The following ZNF142 variants were observed in gnomAD, a reference collection of about 807,000 sequenced individuals.
ZNF142 encodes the protein zinc finger protein 142.
ZNF142 carries 96 observed loss-of-function variants against 132.1 expected under a neutral mutation model. The observed-to-expected ratio is 0.73, with a 90% CI of 0.62 to 0.86. The LOEUF is 0.86. ZNF142 is among the 40% of genes least tolerant of loss of function. ZNF142 has a pLI of 0.00. For synonymous variants in ZNF142, 842 were observed against 890.1 expected, an observed-to-expected ratio of 0.95 and a Z score of 0.96; for missense variants, 2,163 against 2,336.2, an observed-to-expected ratio of 0.93 and a Z score of 1.53.
At chr2:218,656,849 G>A (rs113980687) in intron 3 of ZNF142, among the ~76,000 whole-genome samples, 59 of 140,198 alleles carry the variant, frequency 4.2e-4, no homozygotes, top group African/African-American at 1.5e-3. Context: ...ACAGAGTCTC[G>A]CTCTGTCACC....
At chr2:218,646,474 G>C in intron 7 of ZNF142, 126 bp from the exon 8 acceptor site, 1 of 1,091,240 alleles carries the variant, frequency 9.2e-7, no homozygotes, top group Non-Finnish European at 1.3e-6. Context: ...TGCTACCTGA[G>C]ATGGTGAAAA....
At position 218,644,458 on chromosome 2, in the gene ZNF142, T is replaced by G. The variant is rs1290047606; in HGVS notation, c.2658A>C (p.Ala886=). The part of the protein sequence containing the change: ...GGDLGGSPSP[A]EVEEGSCTLH... ...GTGTGCAGCTGCCCTCCTCCACCTC[T>G]GCTGGGCTGGGACTGCCACCCAGGT... is the stretch of plus-strand genomic sequence containing the variant. Residue 886 remains alanine (A), a synonymous_variant, in exon 9 of 11, where the codon GCA becomes GCC. Coordinates refer to ENST00000411696, the MANE Select transcript of ZNF142 (RefSeq NM_001379659.1). This position sits in a 1 kb window ranked among gnomAD's most constrained non-coding sequence, Gnocchi z 4.6. 1 of 1,614,006 alleles carries G rather than the reference T, an allele frequency of 6.2e-7. No homozygotes were observed. Among genetic ancestry groups the G allele is most frequent in the Non-Finnish European group, 8.5e-7 (1 of 1,179,992 alleles).
chr2:218,635,665 T>C lies in ZNF142; in HGVS notation c.*2674A>G. ...GCATTTTAAATTGCAGATAGAATAC[T>C]AGAAGAAAATATATTACCCATGGAG... On this transcript the variant is annotated 3_prime_UTR_variant, in exon 11 of 11. Coordinates refer to ENST00000411696, the MANE Select transcript of ZNF142 (RefSeq NM_001379659.1). The C allele has an allele frequency of 2.3e-6, 3 of 1,293,626 alleles. No homozygotes were observed. Among genetic ancestry groups the C allele is most frequent in the Non-Finnish European group, 3.1e-6 (3 of 957,442 alleles). 80.1% of individuals were successfully genotyped at this position (1,293,626 alleles called of 1,614,324 possible).
chr2:218,644,201 AAGGATGG>A lies in ZNF142; in HGVS notation c.2908_2914del (p.Pro970Ter). ...TACCCAGTTGTTAGGAGCCTCCTCTAAGGATGGAGGATTTGTGGAGGGCTCAGACACT... is the reference window on the plus strand; with the variant it reads ...TACCCAGTTGTTAGGAGCCTCCTCTAAGGATTTGTGGAGGGCTCAGACACT... On this transcript the variant is annotated frameshift_variant, in exon 9 of 11. Coordinates refer to ENST00000411696, the MANE Select transcript of ZNF142 (RefSeq NM_001379659.1). LOFTEE classifies it high-confidence loss of function. This position sits in a 1 kb window ranked among gnomAD's most constrained non-coding sequence, Gnocchi z 4.6. 6.2e-7 allele frequency: 1 copy of A among 1,614,018 alleles called. No homozygotes were observed.
Position 218,643,840 on chromosome 2 carries a change from T to A in ZNF142, c.3276A>T (p.Leu1092=). The part of the protein sequence containing the change: ...STHLLKKCPV[L]LRKNKGLPRP... ...TGGGCAAGCCCTTGTTCTTTCTGAGTAGAACAGGGCACTTCTTCAGCAGGT... is the reference window on the plus strand; with the variant it reads ...TGGGCAAGCCCTTGTTCTTTCTGAGAAGAACAGGGCACTTCTTCAGCAGGT... The change falls in exon 9 of 11, where the codon CTA becomes CTT. Residue 1092 remains leucine, a synonymous_variant. Coordinates refer to ENST00000411696, the MANE Select transcript of ZNF142 (RefSeq NM_001379659.1). The A allele has an allele frequency of 6.2e-7, 1 of 1,613,876 alleles. No individual in the cohort carries two copies. Among genetic ancestry groups the A allele is most frequent in the South Asian group, 1.1e-5 (1 of 91,020 alleles).
At chr2:218,649,540 A>G in intron 6 of ZNF142, 81 bp from the exon 7 acceptor site, 1 of 1,326,234 alleles carries the variant, frequency 7.5e-7, no homozygotes, top group Non-Finnish European at 1.0e-6. Flanking sequence ...CAATTTGCTC[A>G]GACACAAACG....
Position 218,644,283 on chromosome 2 carries a change from T to C in ZNF142, c.2833A>G (p.Ile945Val). 6.2e-7 allele frequency: 1 copy of C among 1,614,060 alleles called. No individual in the cohort carries two copies. Among genetic ancestry groups the C allele is most frequent in the Non-Finnish European group, 8.5e-7 (1 of 1,179,978 alleles). The change falls in exon 9 of 11, where the codon ATT (isoleucine) becomes GTT (valine). Residue 945 changes from isoleucine (I) to valine (V), a missense_variant. By Grantham distance (29) the Ile-to-Val change is conservative. This residue lies in a region of ZNF142 where 749 missense variants were observed against 830.3 expected (regional missense o/e 0.90). Transcript: ENST00000411696. This position sits in a 1 kb window ranked among gnomAD's most constrained non-coding sequence, Gnocchi z 4.6. ...TCAGCACTCAAGTCAGAAGTCCCAA[T>C]ACCTTCAAAGCTAGATAGCTCTGGT... ...EGPELSSFEG[I>V]GTSDLSAEEN...
intron 9 of ZNF142, among the ~76,000 whole-genome samples, chr2:218,641,316 G>A (rs1424600657): frequency 7.5e-5 from 11 of 146,248 alleles, no homozygotes; most frequent in African/African-American, 1.0e-4. Context: ...GCGCGATCTC[G>A]GCTCACTGCA....
Position 218,642,717 on chromosome 2 carries a change from A to G in ZNF142, c.4399T>C (p.Tyr1467His). The part of the protein sequence containing the change: ...HFCPLCDYSG[Y>H]LRHDITRHVN... Reference sequence around the variant, plus strand: ...TGACGAGTGATGTCATGGCGAAGGTAGCCACTATAGTCACAAAGTGGACAG... The same window carrying G: ...TGACGAGTGATGTCATGGCGAAGGTGGCCACTATAGTCACAAAGTGGACAG... Residue 1467 changes from tyrosine (Y) to histidine (H), a missense_variant, in exon 9 of 11, where the codon TAC (tyrosine) becomes CAC (histidine). Around this residue, in one of 7 missense-constraint regions of ZNF142, gnomAD observed 809 missense variants for 801.7 expected, o/e 1.01. Transcript: ENST00000411696. The surrounding 1 kb of genome is among the most constrained non-coding windows in gnomAD (Gnocchi z 4.6). 1 of 1,614,156 alleles carries G rather than the reference A, an allele frequency of 6.2e-7. No homozygotes were observed. Among genetic ancestry groups the G allele is most frequent in the Non-Finnish European group, 8.5e-7 (1 of 1,180,036 alleles).
At position 218,634,062 on chromosome 2, in the gene ZNF142, G is replaced by A. The variant is rs1381721700; in HGVS notation, c.*4277C>T. 6.4e-7 allele frequency: 1 copy of A among 1,564,114 alleles called. No homozygotes were observed. Among genetic ancestry groups the A allele is most frequent in the Non-Finnish European group, 8.7e-7 (1 of 1,153,818 alleles). ...GGTCCTTGGGACTAGGGAAGTGGGA[G>A]ATTCCACCCCACTTCCATCTCCCTC... On this transcript the variant is annotated 3_prime_UTR_variant, in exon 11 of 11. Transcript: ENST00000411696. This position sits in a 1 kb window ranked among gnomAD's most constrained non-coding sequence, Gnocchi z 4.0.
rs374493212 is a variant in ZNF142, at chr2:218,642,248, G to A, written c.4868C>T (p.Pro1623Leu). 3.2e-5 allele frequency: 51 copies of A among 1,614,048 alleles called. No individual in the cohort carries two copies. The highest frequency in any genetic ancestry group is 3.3e-4 in the Middle Eastern group (2 of 6,084). ...GAAGTCACAAAAGGGGCAGTGTAGCGGGGGCTGGCCAGCATCCCCATCCCC... is the reference window on the plus strand; with the variant it reads ...GAAGTCACAAAAGGGGCAGTGTAGCAGGGGCTGGCCAGCATCCCCATCCCC... ...SDGDGDAGQP[P>L]LHCPFCDFTC... Residue 1623 changes from proline (P) to leucine (L), a missense_variant, in exon 9 of 11, where the codon CCG (proline) becomes CTG (leucine). By Grantham distance (98) the Pro-to-Leu change is moderately conservative. Transcript: ENST00000411696. The surrounding 1 kb of genome is among the most constrained non-coding windows in gnomAD (Gnocchi z 4.6).
At position 218,651,936 on chromosome 2, in the gene ZNF142, C is replaced by T; in HGVS notation, c.645G>A (p.Arg215=). The change falls in exon 5 of 11, where the codon AGG becomes AGA. Residue 215 remains arginine, a synonymous_variant. Coordinates refer to ENST00000411696, the MANE Select transcript of ZNF142 (RefSeq NM_001379659.1). ...EDRKGLQHHL[R]QTHRAVPVPC... is the part of the protein sequence containing the mutation. ...GCACAGGAACTGCTCTGTGAGTCTGCCTCAGGTGGTGCTGCAGACCCTTGC... is the reference window on the plus strand; with the variant it reads ...GCACAGGAACTGCTCTGTGAGTCTGTCTCAGGTGGTGCTGCAGACCCTTGC... 7 of 1,194,670 alleles carry T rather than the reference C, an allele frequency of 5.9e-6. No homozygotes were observed. The highest frequency in any genetic ancestry group is 7.8e-6 in the Non-Finnish European group (7 of 902,040). 74.0% of individuals were successfully genotyped at this position (1,194,670 alleles called of 1,614,324 possible).
chr2:218,642,608 T>G lies in ZNF142; in HGVS notation c.4508A>C (p.Gln1503Pro). ...AQFSSETALK[Q>P]HALRRHPEPA... ...CTCGGGGTGTCGGCGCAGAGCATGC[T>G]GCTTAAGTGCTGTCTCTGAGCTGAA... The change falls in exon 9 of 11, where the codon CAG becomes CCG. Residue 1503 changes from glutamine (Q) to proline (P), a missense_variant. Coordinates refer to ENST00000411696, the MANE Select transcript of ZNF142 (RefSeq NM_001379659.1). This position sits in a 1 kb window ranked among gnomAD's most constrained non-coding sequence, Gnocchi z 4.6. 2.5e-6 allele frequency: 4 copies of G among 1,602,050 alleles called. No homozygotes were observed. The highest frequency in any genetic ancestry group is 2.6e-6 in the Non-Finnish European group (3 of 1,175,388).
In ZNF142 at chr2:218,642,012, T is replaced by C. The variant is rs1224450103; in HGVS notation, c.5088+16A>G. The stretch of plus-strand genomic sequence containing the variant: ...TGTGCTCCTTCCACTTCCTGCCCCA[T>C]ATCCTCTGACATTACCTTGAGACGA... On this transcript the variant is annotated intron_variant, in intron 9 of 10. Transcript: ENST00000411696. The surrounding 1 kb of genome is among the most constrained non-coding windows in gnomAD (Gnocchi z 4.6). The C allele has an allele frequency of 3.7e-6, 6 of 1,608,138 alleles. No individual in the cohort carries two copies. Among genetic ancestry groups the C allele is most frequent in the Non-Finnish European group, 5.1e-6 (6 of 1,175,818 alleles).
chr2:218,642,053 G>A lies in ZNF142; in HGVS notation c.5063C>T (p.Ala1688Val), dbSNP rs1285758514. The A allele has an allele frequency of 8.1e-6, 13 of 1,614,140 alleles. No homozygotes were observed. Among genetic ancestry groups the A allele is most frequent in the East Asian group, 2.2e-5 (1 of 44,874 alleles). Reference sequence around the variant, plus strand: ...CTTGAGACGAGAGGGATCAGCACAGGCATAGGGGCAGAGGTGACAGTGGTA... The same window carrying A: ...CTTGAGACGAGAGGGATCAGCACAGACATAGGGGCAGAGGTGACAGTGGTA... ...KPYHCHLCPYACADPSRLKYH... is the reference protein window; with the variant it reads ...KPYHCHLCPYVCADPSRLKYH... The change falls in exon 9 of 11, where the codon GCC (alanine) becomes GTC (valine). Residue 1688 changes from alanine (A) to valine (V), a missense_variant. Coordinates refer to ENST00000411696, the MANE Select transcript of ZNF142 (RefSeq NM_001379659.1). The surrounding 1 kb of genome is among the most constrained non-coding windows in gnomAD (Gnocchi z 4.6).
chr2:218,648,941 A>C lies in ZNF142; in HGVS notation c.1567T>G (p.Cys523Gly). Residue 523 changes from cysteine (C) to glycine (G), a missense_variant, in exon 7 of 11, where the codon TGT (cysteine) becomes GGT (glycine). By Grantham distance (159) the Cys-to-Gly change is radical. Around this residue, in one of 7 missense-constraint regions of ZNF142, gnomAD observed 749 missense variants for 830.3 expected, o/e 0.90. Transcript: ENST00000411696. ...VRAVECRHHS[C>G]PMLFATAEAM... ...TCGGCTGTGGCAAAGAGCATGGGAC[A>C]TGAGTGATGGCGGCACTCCACAGCC... 6.2e-7 allele frequency: 1 copy of C among 1,613,364 alleles called. No individual in the cohort carries two copies.
chr2:218,636,205 CATA>C lies in ZNF142; in HGVS notation c.*2131_*2133del. 4 of 1,589,812 alleles carry C rather than the reference CATA, an allele frequency of 2.5e-6. No homozygotes were observed. Among genetic ancestry groups the C allele is most frequent in the Non-Finnish European group, 3.5e-6 (4 of 1,158,204 alleles). ...AAAGCAACCCAGTCAAGAAAACTGT[CATA>C]ATGTCTTCTTATTTCTTTCTGTCCA... On this transcript the variant is annotated 3_prime_UTR_variant, in exon 11 of 11. Coordinates refer to ENST00000411696, the MANE Select transcript of ZNF142 (RefSeq NM_001379659.1).
At position 218,642,883 on chromosome 2, in the gene ZNF142, T is replaced by C. The variant is rs1341453295; in HGVS notation, c.4233A>G (p.Arg1411=). ...ACTGGTGAGCCTCTAACCGGTACCG[T>C]CTGGTGGTCGAAAAGTCACAGAAGG... ...QCPFCDFSTT[R]RYRLEAHQSR... is the part of the protein sequence containing the mutation. The change falls in exon 9 of 11, where the codon AGA becomes AGG. Residue 1411 remains arginine, a synonymous_variant. Transcript: ENST00000411696. The surrounding 1 kb of genome is among the most constrained non-coding windows in gnomAD (Gnocchi z 4.6). The C allele has an allele frequency of 6.2e-7, 1 of 1,614,056 alleles. No individual in the cohort carries two copies. The highest frequency in any genetic ancestry group is 8.5e-7 in the Non-Finnish European group (1 of 1,180,016).
intron 4 of ZNF142, among the ~76,000 whole-genome samples, chr2:218,655,202 C>A (rs180978597): frequency 6.6e-6 from 1 of 152,182 alleles, no homozygotes; most frequent in Non-Finnish European, 1.5e-5. Context: ...CTCTTTCTTA[C>A]ATATTGCGAA....
Sources: gnomAD v4.1 joint callset for allele counts (sites outside exome capture counted in the v4.1 genomes callset) on GRCh38, gnomAD v4.1.1 for gene constraint, gnomAD v4.1.1 regional missense constraint, Gnocchi (gnomAD v3.1) non-coding constraint, MANE v1.5 for transcripts, NCBI Gene and HGNC (gene_info 2026-07-23, HGNC 2026-07-21) for gene names.